RFX3: variants seen among roughly 807,000 people sequenced by gnomAD.
RFX3 encodes the protein regulatory factor X3, also known as transcription factor RFX3.
In RFX3, 14 loss-of-function variants were observed where a neutral mutation model predicts 98.6. That is an observed-to-expected ratio of 0.14 (90% CI 0.09 to 0.22). The LOEUF (loss-of-function observed/expected upper bound fraction) is 0.22, where lower values mean the gene tolerates loss of function less well. RFX3 is among the 10% of genes least tolerant of loss of function. RFX3 has a pLI of 1.00. For missense variants in RFX3, 639 were observed against 926.9 expected (o/e 0.69, Z 4.03); for synonymous variants, 383 against 328.4 (o/e 1.17, Z -1.80).
chr9:3,222,305 T>C lies in RFX3; in HGVS notation c.*2737A>G, dbSNP rs1013182611. The stretch of plus-strand genomic sequence containing the variant: ...ATTCATAAAGGAGATCAGAATATTT[T>C]TATTGAGTCAAGTTCAAATGTAATA... On this transcript the variant is annotated 3_prime_UTR_variant, in exon 17 of 17. Coordinates refer to ENST00000617270, the MANE Select transcript of RFX3 (RefSeq NM_001282116.2). The C allele has an allele frequency of 6.6e-6, 1 of 152,162 alleles. No individual in the cohort carries two copies. The highest frequency in any genetic ancestry group is 6.5e-5 in the Admixed American group (1 of 15,278). The allele number at this position is 152,162 out of a possible 1,614,324, so 9.4% of individuals were successfully genotyped here.
intron 1 of RFX3, among the ~76,000 whole-genome samples, chr9:3,434,855 G>C (rs1844974442): frequency 6.6e-6 from 1 of 152,104 alleles, no homozygotes; most frequent in South Asian, 2.1e-4. Context: ...ATCACAGAGT[G>C]TTCTTACACA....
chr9:3,384,400 G>A (rs540658627), intron 2 of RFX3, among the ~76,000 whole-genome samples: 12 of 152,234 alleles, frequency 7.9e-5, no homozygotes, highest in Admixed American at 3.3e-4. Flanking sequence ...CTGTCCTGGC[G>A]TATACTTCTC....
intron 15 of RFX3, among the ~76,000 whole-genome samples, chr9:3,232,450 C>A (rs1175632284): frequency 6.6e-6 from 1 of 152,178 alleles, no homozygotes; most frequent in African/African-American, 2.4e-5. Flanking sequence ...ACCTGCCGAA[C>A]TTATTTTGTT....
chr9:3,247,419 T>C (rs1820824739), intron 15 of RFX3: 1 of 791,802 alleles, frequency 1.3e-6, no homozygotes, highest in Admixed American at 6.0e-5. Flanking sequence ...AGCTGAGTAA[T>C]CATTTAACCT....
chr9:3,303,155 T>C (rs1260811304), intron 4 of RFX3, among the ~76,000 whole-genome samples: 1 of 151,882 alleles, frequency 6.6e-6, no homozygotes, highest in Non-Finnish European at 1.5e-5. Context: ...TGGATGTTAA[T>C]GCAGTTTACC....
At chr9:3,288,516 G>C (rs1354121404) in intron 6 of RFX3, among the ~76,000 whole-genome samples, 2 of 151,978 alleles carry the variant, frequency 1.3e-5, no homozygotes, top group Admixed American at 1.3e-4. Flanking sequence ...TAGTCAAACA[G>C]TCCATTTGTT....
chr9:3,475,581 G>A (rs1849169938), intron 1 of RFX3, among the ~76,000 whole-genome samples: 1 of 152,202 alleles, frequency 6.6e-6, no homozygotes, highest in Non-Finnish European at 1.5e-5. Flanking sequence ...TACAGCGTAT[G>A]CAATAGCATA....
intron 9 of RFX3, among the ~76,000 whole-genome samples, chr9:3,272,267 AG>A (rs1225693396): frequency 6.6e-6 from 1 of 152,194 alleles, no homozygotes; most frequent in East Asian, 1.9e-4. Flanking sequence ...AAGGTAAAAC[AG>A]CCCCACAAAG....
At chr9:3,400,179 G>A (rs927284752) in intron 1 of RFX3, 2 of 923,062 alleles carry the variant, frequency 2.2e-6, no homozygotes, top group Non-Finnish European at 2.6e-6. Flanking sequence ...ATCACTTACC[G>A]AAGGCCATAC....
chr9:3,247,156 A>G (rs1820785245), intron 15 of RFX3: 1 of 985,394 alleles, frequency 1.0e-6, no homozygotes, highest in Non-Finnish European at 1.2e-6. Context: ...TCGACAAGGT[A>G]TAAACTACCC....
At chr9:3,346,165 G>A (rs1282518032) in intron 3 of RFX3, among the ~76,000 whole-genome samples, 2 of 152,104 alleles carry the variant, frequency 1.3e-5, no homozygotes, top group African/African-American at 4.8e-5. Context: ...GAGATAAGCT[G>A]GTTTCGGGCA....
chr9:3,270,730 T>A (rs941420394), intron 10 of RFX3: 1 of 669,350 alleles, frequency 1.5e-6, no homozygotes, highest in African/African-American at 1.8e-5. Context: ...TGCACATTTG[T>A]ATTTTCTGAC....
At chr9:3,296,502 C>A (rs539323579) in intron 5 of RFX3, among the ~76,000 whole-genome samples, 1 of 151,990 alleles carries the variant, frequency 6.6e-6, no homozygotes, top group South Asian at 2.1e-4. Context: ...TGTTTAAATT[C>A]TTCATTTCTA....
chr9:3,516,687 T>C (rs1262678651), intron 1 of RFX3, among the ~76,000 whole-genome samples: 5 of 152,192 alleles, frequency 3.3e-5, no homozygotes, highest in East Asian at 3.8e-4. Context: ...TAATTTTTAT[T>C]CTGATCAGAG....
chr9:3,338,673 A>C (rs911158993), intron 3 of RFX3, among the ~76,000 whole-genome samples: 1 of 152,218 alleles, frequency 6.6e-6, no homozygotes, highest in Non-Finnish European at 1.5e-5. Context: ...GGCATTTCTA[A>C]CAAGTTCTCA....
chr9:3,416,397 T>C (rs571908448), intron 1 of RFX3, among the ~76,000 whole-genome samples: 53 of 152,328 alleles, frequency 3.5e-4, no homozygotes, highest in South Asian at 1.7e-3. Context: ...CATTACATTA[T>C]GCTATGTTGG....
intron 1 of RFX3, among the ~76,000 whole-genome samples, chr9:3,514,646 A>G (rs1236394977): frequency 1.3e-5 from 2 of 152,148 alleles, no homozygotes; most frequent in Non-Finnish European, 2.9e-5. Flanking sequence ...ACAGGGTCTC[A>G]CTATGTTGCC....
At chr9:3,302,018 C>T (rs543695547) in intron 4 of RFX3, among the ~76,000 whole-genome samples, 4 of 151,832 alleles carry the variant, frequency 2.6e-5, no homozygotes, top group South Asian at 2.1e-4. Flanking sequence ...TATTCTCTCA[C>T]GAAAGGAAAA....
chr9:3,491,966 G>A (rs1280929133), intron 1 of RFX3, among the ~76,000 whole-genome samples: 1 of 152,122 alleles, frequency 6.6e-6, no homozygotes, highest in African/African-American at 2.4e-5. Context: ...AATCCAAAGT[G>A]CTACATTGGC....
Sources: allele counts gnomAD v4.1 joint callset (sites outside exome capture counted in the v4.1 genomes callset), GRCh38; gene constraint gnomAD v4.1.1; transcripts MANE v1.5; gene names NCBI Gene and HGNC (gene_info 2026-07-23, HGNC 2026-07-21).